TTBK2: variants seen among roughly 807,000 people sequenced by gnomAD.
TTBK2 encodes tau-tubulin kinase 2.
In TTBK2, 28 loss-of-function variants were observed where a neutral mutation model predicts 110.8. The ratio of observed to expected loss-of-function variants is 0.25; its 90% CI spans 0.19 to 0.35. The LOEUF (loss-of-function observed/expected upper bound fraction) is 0.35. Among genes scored for constraint, TTBK2 ranks in the 10% least tolerant of loss-of-function variants. The probability of loss-of-function intolerance (pLI) is 1.00; values close to 1 mark genes in which losing one functional copy is unlikely to be tolerated. For synonymous variants in TTBK2, 532 were observed against 527.3 expected (o/e 1.01, Z -0.12); for missense variants, 1,369 against 1,500.3 (o/e 0.91, Z 1.45).
chr15:42,872,827 C>G (rs1596007668), intron 2 of TTBK2, 69 bp from the exon 3 acceptor site: 1 of 1,538,088 alleles, frequency 6.5e-7, no homozygotes, highest in East Asian at 2.3e-5. Context: ...CAATTGATCT[C>G]TTATATTTAG....
At chr15:42,770,951 TG>T in intron 13 of TTBK2, among the ~76,000 whole-genome samples, 1 of 151,618 alleles carries the variant, frequency 6.6e-6, no homozygotes, top group Non-Finnish European at 1.5e-5. Flanking sequence ...GAAAGCCACA[TG>T]GAACTATTTC....
intron 4 of TTBK2, among the ~76,000 whole-genome samples, chr15:42,838,431 C>T (rs1289378171): frequency 1.3e-5 from 2 of 151,668 alleles, no homozygotes; most frequent in East Asian, 3.9e-4. Flanking sequence ...AGAAAGGTTT[C>T]CCTCTTCTCC....
chr15:42,819,281 ACATGGTGAAACCC>A (rs1312266945), intron 6 of TTBK2, among the ~76,000 whole-genome samples: 5 of 151,884 alleles, frequency 3.3e-5, no homozygotes, highest in African/African-American at 4.8e-5. Context: ...ATCCTGACCA[ACATGGTGAAACCC>A]CATCTCTACT....
chr15:42,852,822 G>A (rs1421921057), intron 3 of TTBK2, among the ~76,000 whole-genome samples: 1 of 152,098 alleles, frequency 6.6e-6, no homozygotes, highest in Non-Finnish European at 1.5e-5. Flanking sequence ...ACAAGGACAA[G>A]CAAAAAGTTA....
At chr15:42,909,179 C>T (rs911364574) in intron 1 of TTBK2, among the ~76,000 whole-genome samples, 3 of 152,128 alleles carry the variant, frequency 2.0e-5, no homozygotes, top group Non-Finnish European at 4.4e-5. Context: ...CAGGCTGGAG[C>T]GCAGTAGCTA....
chr15:42,803,424 G>A (rs926652958), intron 9 of TTBK2, among the ~76,000 whole-genome samples: 2 of 152,206 alleles, frequency 1.3e-5, no homozygotes, highest in African/African-American at 4.8e-5. Flanking sequence ...GCACATGACT[G>A]TATATTAAGA....
intron 4 of TTBK2, among the ~76,000 whole-genome samples, chr15:42,831,294 A>C (rs1595960437): frequency 6.6e-6 from 1 of 151,814 alleles, no homozygotes. Context: ...CTGGTCTCAA[A>C]CTCCTTGTCT....
intron 10 of TTBK2, among the ~76,000 whole-genome samples, chr15:42,794,062 T>C (rs75866087): frequency 6.7e-6 from 1 of 149,616 alleles, no homozygotes; most frequent in South Asian, 2.1e-4. Context: ...TTTTTTTTTT[T>C]TGACCAAAAA....
Position 42,740,059 on chromosome 15 carries a change from T to G in TTBK2, c.*5736A>C, listed in dbSNP as rs2061740986. 1 of 152,198 alleles carries G rather than the reference T, an allele frequency of 6.6e-6. No individual in the cohort carries two copies. Among genetic ancestry groups the G allele is most frequent in the African/African-American group, 2.4e-5 (1 of 41,444 alleles). The allele number at this position is 152,198 out of a possible 1,614,324, so 9.4% of individuals were successfully genotyped here. ...TTCCTATCCATTGTTATTGTAAAAT[T>G]ATATCATCAGCAAATTCTATAGTCA... On this transcript the variant is annotated 3_prime_UTR_variant, in exon 15 of 15. Transcript: ENST00000267890.
chr15:42,793,670 G>A (rs1890801431), intron 10 of TTBK2, among the ~76,000 whole-genome samples: 1 of 152,024 alleles, frequency 6.6e-6, no homozygotes, highest in Non-Finnish European at 1.5e-5. Context: ...CCAGCATAGT[G>A]AAACCCCGTC....
chr15:42,783,589 T>C lies in TTBK2; in HGVS notation c.1027A>G (p.Thr343Ala), dbSNP rs773278030. 7 of 1,614,110 alleles carry C rather than the reference T, an allele frequency of 4.3e-6. No individual in the cohort carries two copies. Among genetic ancestry groups the C allele is most frequent in the Admixed American group, 1.7e-5 (1 of 60,018 alleles). ...PIPGDLLREN[T>A]DEVFPDEQLS... is the part of the protein sequence containing the mutation. Reference sequence around the variant, plus strand: ...TGTTCATCTGGAAATACCTCATCTGTATTTTCTCGAAGCAAGTCTCCAGGG... The same window carrying C: ...TGTTCATCTGGAAATACCTCATCTGCATTTTCTCGAAGCAAGTCTCCAGGG... The change falls in exon 11 of 15, where the codon ACA (threonine) becomes GCA (alanine). Residue 343 changes from threonine to alanine, a missense_variant. Coordinates refer to ENST00000267890, the MANE Select transcript of TTBK2 (RefSeq NM_173500.4).
chr15:42,798,434 C>A (rs1010468238), intron 9 of TTBK2, among the ~76,000 whole-genome samples: 2 of 152,170 alleles, frequency 1.3e-5, no homozygotes, highest in African/African-American at 4.8e-5. Context: ...AATACAAATT[C>A]ACCTACATTT....
chr15:42,831,616 T>C (rs1226067355), intron 4 of TTBK2, among the ~76,000 whole-genome samples: 4 of 152,214 alleles, frequency 2.6e-5, no homozygotes, highest in Non-Finnish European at 5.9e-5. Flanking sequence ...GTTAATCTGT[T>C]AATGTAAAGC....
chr15:42,877,272 T>C (rs1161223617), intron 2 of TTBK2, among the ~76,000 whole-genome samples: 1 of 152,180 alleles, frequency 6.6e-6, no homozygotes, highest in Admixed American at 6.6e-5. Context: ...ATATGCCTCC[T>C]AGTGAAGGCT....
Position 42,864,780 on chromosome 15 carries a change from C to T in TTBK2, c.217+7831G>A, listed in dbSNP as rs60630795. On this transcript the variant is annotated intron_variant, in intron 3 of 14. Transcript: ENST00000267890. ...GAAGGAAAGTAATATAGGGTAGAAA[C>T]CCAGATGTGAAGAAGGAAAAAGTGA... 8.8e-3 allele frequency among the ~76,000 whole-genome samples: 1,345 copies of T among 152,102 alleles called. 17 individuals are homozygous for T. The highest frequency in any genetic ancestry group is 0.029 in the African/African-American group (1,186 of 41,482).
chr15:42,780,022 T>C (rs1290475036), intron 11 of TTBK2, among the ~76,000 whole-genome samples: 1 of 150,976 alleles, frequency 6.6e-6, no homozygotes, highest in Admixed American at 6.6e-5. Context: ...AAGTCATTCT[T>C]CTTTGTTGCT....
At chr15:42,754,110 G>A (rs1001309641) in intron 13 of TTBK2, among the ~76,000 whole-genome samples, 4 of 145,388 alleles carry the variant, frequency 2.8e-5, no homozygotes, top group East Asian at 2.0e-4. Context: ...TTTGAGACAC[G>A]GTTACTGTGT....
intron 4 of TTBK2, among the ~76,000 whole-genome samples, chr15:42,840,150 A>G (rs1401865536): frequency 6.6e-6 from 1 of 152,234 alleles, no homozygotes; most frequent in East Asian, 1.9e-4. Context: ...CAATCAGTAA[A>G]GATACAGGTC....
intron 4 of TTBK2, among the ~76,000 whole-genome samples, chr15:42,838,503 A>G: frequency 6.6e-6 from 1 of 151,946 alleles, no homozygotes; most frequent in Middle Eastern, 3.2e-3. Context: ...CCCTCGACCT[A>G]ACTCCACTAC....
Sources: allele counts gnomAD v4.1 joint callset (sites outside exome capture counted in the v4.1 genomes callset), GRCh38; gene constraint gnomAD v4.1.1; transcripts MANE v1.5; gene names NCBI Gene and HGNC (gene_info 2026-07-23, HGNC 2026-07-21).